The following DOCK1 variants were observed in gnomAD, a reference collection of about 807,000 sequenced individuals.
DOCK1 encodes the protein dedicator of cytokinesis 1, also known as dedicator of cytokinesis protein 1.
In DOCK1, 138 loss-of-function variants were observed where a neutral mutation model predicts 262.7. The observed-to-expected ratio is 0.53, with a 90% CI of 0.46 to 0.61. DOCK1 has a LOEUF of 0.61. Among genes scored for constraint, DOCK1 ranks in the 20% least tolerant of loss-of-function variants. DOCK1 has a pLI of 0.00. For synonymous variants in DOCK1, 866 were observed against 867.4 expected (o/e 1.00, Z 0.03); for missense variants, 1,908 against 2,370.7 (o/e 0.80, Z 4.05).
At chr10:127,005,059 G>C (rs559584660) in intron 10 of DOCK1, among the ~76,000 whole-genome samples, 1 of 151,940 alleles carries the variant, frequency 6.6e-6, no homozygotes, top group South Asian at 2.1e-4. Context: ...ATACTTGGTC[G>C]GGTGCAGTGG....
At chr10:127,356,374 T>C (rs1049225523) in intron 32 of DOCK1, among the ~76,000 whole-genome samples, 2 of 152,206 alleles carry the variant, frequency 1.3e-5, no homozygotes, top group Non-Finnish European at 2.9e-5. Context: ...TGGACTGAAT[T>C]TTTCAAGAGC....
At chr10:127,068,772 A>G (rs1378908891) in intron 23 of DOCK1, among the ~76,000 whole-genome samples, 1 of 152,204 alleles carries the variant, frequency 6.6e-6, no homozygotes, top group Non-Finnish European at 1.5e-5. Context: ...TAAATGTAAC[A>G]TATGTATAGT....
At chr10:126,906,764 G>T (rs1020177558) in intron 1 of DOCK1, among the ~76,000 whole-genome samples, 1 of 152,180 alleles carries the variant, frequency 6.6e-6, no homozygotes, top group Non-Finnish European at 1.5e-5. Flanking sequence ...TCCCCGGAGC[G>T]CTCTCCTTTC....
chr10:127,211,373 T>A (rs893532659), intron 27 of DOCK1, among the ~76,000 whole-genome samples: 2 of 152,186 alleles, frequency 1.3e-5, no homozygotes, highest in African/African-American at 4.8e-5. Context: ...ATGCTCCTAA[T>A]ACCCCTGATA....
At chr10:127,366,216 T>G (rs932762828) in intron 33 of DOCK1, among the ~76,000 whole-genome samples, 3 of 152,000 alleles carry the variant, frequency 2.0e-5, no homozygotes, top group Non-Finnish European at 4.4e-5. Context: ...ATTAAAGATC[T>G]TTAAAATGAG....
intron 27 of DOCK1, among the ~76,000 whole-genome samples, chr10:127,223,532 G>C (rs755272766): frequency 1.1e-4 from 16 of 152,120 alleles, no homozygotes; most frequent in Non-Finnish European, 1.9e-4. Context: ...ATGCTTATTG[G>C]AGCATTTTGG....
rs116257383 is a variant in DOCK1, at chr10:127,350,227, T to G, written c.3225-4442T>G. Among the ~76,000 whole-genome samples, 1,005 of 150,752 alleles carry G rather than the reference T, an allele frequency of 6.7e-3. 10 individuals are homozygous for G. The highest frequency in any genetic ancestry group is 0.024 in the African/African-American group (962 of 40,650). The stretch of plus-strand genomic sequence containing the variant: ...ATGTATTTTTTATGTCAGAAAAGTT[T>G]ATGAAACTTAAAAAAAAAGTGGCGG... On this transcript the variant is annotated intron_variant, in intron 31 of 51. Coordinates refer to ENST00000623213, the MANE Select transcript of DOCK1 (RefSeq NM_001290223.2).
intron 27 of DOCK1, among the ~76,000 whole-genome samples, chr10:127,182,479 C>G (rs1052932485): frequency 2.0e-5 from 3 of 152,104 alleles, no homozygotes; most frequent in African/African-American, 7.2e-5. Context: ...ATGGTCCAGA[C>G]TTTTAATTTA....
chr10:127,194,984 G>A (rs2057007022), intron 27 of DOCK1, among the ~76,000 whole-genome samples: 1 of 111,362 alleles, frequency 9.0e-6, no homozygotes, highest in Non-Finnish European at 1.9e-5. Context: ...AGGGGTCCGG[G>A]CGGGAGCCCT....
intron 27 of DOCK1, among the ~76,000 whole-genome samples, chr10:127,215,260 T>TCCCTGTCTTCCTGCCCTG (rs1281949829): frequency 2.0e-5 from 3 of 152,140 alleles, no homozygotes; most frequent in Non-Finnish European, 2.9e-5. Flanking sequence ...CAGGAAGCTT[T>TCCCTGTCTTCCTGCCCTG]CCCTGTCTTC....
At chr10:127,060,741 A>G (rs185708279) in intron 22 of DOCK1, among the ~76,000 whole-genome samples, 154 of 152,310 alleles carry the variant, frequency 1.0e-3, no homozygotes, top group African/African-American at 3.5e-3. Context: ...CTTATTACCT[A>G]TTTATTGAAT....
At chr10:127,049,991 T>TA (rs1554874877) in intron 21 of DOCK1, among the ~76,000 whole-genome samples, 4,186 of 138,410 alleles carry the variant, frequency 0.03, 173 homozygotes, top group East Asian at 0.12. Flanking sequence ...TTTTTTTTTT[T>TA]ACTATAGTGA....
chr10:127,244,654 G>A (rs1209652347), intron 27 of DOCK1, among the ~76,000 whole-genome samples: 1 of 151,976 alleles, frequency 6.6e-6, no homozygotes, highest in African/African-American at 2.4e-5. Context: ...TTGTTTATTA[G>A]GCATTTAGTG....
At chr10:127,071,613 C>T (rs2046239519) in intron 23 of DOCK1, among the ~76,000 whole-genome samples, 2 of 152,144 alleles carry the variant, frequency 1.3e-5, no homozygotes, top group African/African-American at 4.8e-5. Context: ...TATCACAACA[C>T]CTTTCCATTA....
chr10:127,120,366 A>G (rs1438071853), intron 25 of DOCK1, among the ~76,000 whole-genome samples: 1 of 152,262 alleles, frequency 6.6e-6, no homozygotes. Context: ...GCAGAAATAG[A>G]ATGTGAGCCG....
intron 29 of DOCK1, among the ~76,000 whole-genome samples, chr10:127,337,594 G>T (rs1242942472): frequency 6.6e-6 from 1 of 152,152 alleles, no homozygotes; most frequent in African/African-American, 2.4e-5. Context: ...TTGCTGCCCA[G>T]CCTGTGTTCT....
At chr10:126,998,355 T>A in intron 8 of DOCK1, 106 bp downstream of exon 8, 1 of 1,461,634 alleles carries the variant, frequency 6.8e-7, no homozygotes, top group Non-Finnish European at 9.4e-7. Context: ...CTTGGATGAA[T>A]GGCTGCTGGA....
intron 27 of DOCK1, among the ~76,000 whole-genome samples, chr10:127,224,009 T>C (rs1386605490): frequency 6.6e-6 from 1 of 152,196 alleles, no homozygotes; most frequent in East Asian, 1.9e-4. Context: ...TGTTTTCTGC[T>C]ATTTAGGCTA....
intron 23 of DOCK1, among the ~76,000 whole-genome samples, chr10:127,062,444 G>T (rs967792493): frequency 6.6e-6 from 1 of 152,108 alleles, no homozygotes; most frequent in Admixed American, 6.6e-5. Context: ...CTAAATTATT[G>T]TTGACCGTCT....
Sources: gnomAD v4.1 joint callset for allele counts (sites outside exome capture counted in the v4.1 genomes callset) on GRCh38, gnomAD v4.1.1 for gene constraint, MANE v1.5 for transcripts, NCBI Gene and HGNC (gene_info 2026-07-23, HGNC 2026-07-21) for gene names.